The following PRKG1 variants were observed in gnomAD, a reference collection of about 807,000 sequenced individuals.
The protein encoded by PRKG1 is cGMP-dependent protein kinase 1.
Under a neutral mutation model 88.1 loss-of-function variants are expected in PRKG1, and 35 were observed. That is an observed-to-expected ratio of 0.40 (90% confidence interval 0.30 to 0.53). The LOEUF is 0.53. Among genes scored for constraint, PRKG1 ranks in the 20% least tolerant of loss-of-function variants. The pLI is 0.59. For missense variants in PRKG1, 540 were observed against 839.8 expected, an observed-to-expected ratio of 0.64 and a Z score of 4.41; for synonymous variants, 303 against 292.5, an observed-to-expected ratio of 1.04 and a Z score of -0.37.
intron 2 of PRKG1, among the ~76,000 whole-genome samples, chr10:51,312,541 A>T (rs1462769056): frequency 6.6e-6 from 1 of 152,162 alleles, no homozygotes; most frequent in Non-Finnish European, 1.5e-5. Context: ...ATGAGGTATA[A>T]CATTTCATGC....
chr10:52,101,011 T>C (rs1292419022), intron 7 of PRKG1, among the ~76,000 whole-genome samples: 2 of 152,228 alleles, frequency 1.3e-5, no homozygotes, highest in Non-Finnish European at 2.9e-5. Context: ...CCAAGGCAAT[T>C]TGATGGATAT....
rs1365768147 is a variant in PRKG1, at chr10:52,202,893, T to C, written c.1076+40930T>C. Among the ~76,000 whole-genome samples, 4 of 152,206 alleles carry C rather than the reference T, an allele frequency of 2.6e-5. No homozygotes were observed. In the East Asian group the frequency reaches 7.7e-4, roughly 29 times the overall value. ...TTGTCCCCTTTATCATTTCTGATTG[T>C]GTTTATTTGGATCTTCTCTCTCTTT... is the stretch of plus-strand genomic sequence containing the variant. On this transcript the variant is annotated intron_variant, in intron 9 of 17. Coordinates refer to ENST00000373980, the MANE Select transcript of PRKG1 (RefSeq NM_006258.4).
chr10:51,593,913 T>G (rs1838375070), intron 3 of PRKG1, among the ~76,000 whole-genome samples: 2 of 152,062 alleles, frequency 1.3e-5, no homozygotes, highest in Non-Finnish European at 2.9e-5. Context: ...TTAGTAGAGA[T>G]GGAGTTTCAC....
chr10:51,698,232 TCTC>T, intron 3 of PRKG1: 1 of 1,614,076 alleles, frequency 6.2e-7, no homozygotes, highest in Non-Finnish European at 8.5e-7. Context: ...ATCGCACAGG[TCTC>T]CATTCCTCTC....
At chr10:51,086,357 T>G (rs1485654661) in intron 1 of PRKG1, among the ~76,000 whole-genome samples, 2 of 152,198 alleles carry the variant, frequency 1.3e-5, no homozygotes, top group Non-Finnish European at 2.9e-5. Flanking sequence ...TTAATAAAAG[T>G]GTTTTCTTTC....
chr10:51,728,860 C>T (rs950126490), intron 3 of PRKG1, among the ~76,000 whole-genome samples: 1 of 152,184 alleles, frequency 6.6e-6, no homozygotes, highest in Non-Finnish European at 1.5e-5. Context: ...AAGATGGAAA[C>T]ATTTTCCAGA....
At chr10:51,125,111 A>G (rs1469863532) in intron 1 of PRKG1, among the ~76,000 whole-genome samples, 3 of 152,126 alleles carry the variant, frequency 2.0e-5, no homozygotes, top group Non-Finnish European at 4.4e-5. Flanking sequence ...TGAGCCCAGG[A>G]GTTCGAGAGC....
At chr10:51,942,550 T>C (rs934848553) in intron 5 of PRKG1, among the ~76,000 whole-genome samples, 2 of 149,346 alleles carry the variant, frequency 1.3e-5, no homozygotes, top group East Asian at 2.0e-4. Flanking sequence ...TGAATAGTAA[T>C]GCCTAGGTTT....
At chr10:51,475,918 G>A (rs1005857062) in intron 3 of PRKG1, among the ~76,000 whole-genome samples, 3 of 152,008 alleles carry the variant, frequency 2.0e-5, no homozygotes, top group African/African-American at 7.2e-5. Context: ...TTTGGATTAA[G>A]TGATAACAAA....
At chr10:52,140,173 A>C (rs1322293972) in intron 8 of PRKG1, among the ~76,000 whole-genome samples, 1 of 152,182 alleles carries the variant, frequency 6.6e-6, no homozygotes, top group Non-Finnish European at 1.5e-5. Context: ...TGTTGGCCAT[A>C]ATTTCTTGAC....
chr10:51,356,353 A>G (rs1232524061), intron 2 of PRKG1, among the ~76,000 whole-genome samples: 1 of 151,998 alleles, frequency 6.6e-6, no homozygotes. Context: ...AGAAAAATCT[A>G]TGAGGTCCAA....
chr10:51,880,823 G>A (rs553108991), intron 4 of PRKG1, among the ~76,000 whole-genome samples: 36 of 152,208 alleles, frequency 2.4e-4, no homozygotes, highest in African/African-American at 8.4e-4. Context: ...TCAACCTATC[G>A]GTTCATCAAT....
At chr10:51,061,430 C>T (rs1478212408) in intron 1 of PRKG1, among the ~76,000 whole-genome samples, 2 of 152,178 alleles carry the variant, frequency 1.3e-5, no homozygotes, top group Non-Finnish European at 2.9e-5. Context: ...TGGGTGGGAA[C>T]TCAGCCAAAC....
At chr10:51,640,910 T>C (rs1589153574) in intron 3 of PRKG1, among the ~76,000 whole-genome samples, 1 of 152,230 alleles carries the variant, frequency 6.6e-6, no homozygotes, top group Non-Finnish European at 1.5e-5. Flanking sequence ...AGTCTCTCTT[T>C]TGTATTTTTT....
At chr10:52,179,187 T>A (rs1280982670) in intron 9 of PRKG1, among the ~76,000 whole-genome samples, 1 of 152,134 alleles carries the variant, frequency 6.6e-6, no homozygotes, top group Admixed American at 6.6e-5. Flanking sequence ...CTGGTGACTT[T>A]TATAGTGTTG....
At chr10:51,147,861 A>C (rs771428960) in intron 1 of PRKG1, among the ~76,000 whole-genome samples, 2 of 152,206 alleles carry the variant, frequency 1.3e-5, no homozygotes, top group African/African-American at 2.4e-5. Flanking sequence ...AACCTTGTTG[A>C]AAACTGGTTT....
intron 2 of PRKG1, among the ~76,000 whole-genome samples, chr10:51,421,267 C>T (rs1030324113): frequency 6.6e-6 from 1 of 152,060 alleles, no homozygotes; most frequent in Non-Finnish European, 1.5e-5. Flanking sequence ...GAACTCCTGG[C>T]CTCAAGCAAT....
intron 1 of PRKG1, among the ~76,000 whole-genome samples, chr10:51,130,194 C>T (rs1845529686): frequency 6.6e-6 from 1 of 152,126 alleles, no homozygotes; most frequent in Admixed American, 6.5e-5. Flanking sequence ...TCTTAATAAA[C>T]CTCTTCTCTC....
intron 2 of PRKG1, among the ~76,000 whole-genome samples, chr10:51,289,292 C>T (rs1840521945): frequency 6.6e-6 from 1 of 152,058 alleles, no homozygotes; most frequent in African/African-American, 2.4e-5. Context: ...CTGTCTGTTA[C>T]CATGAATACT....
Sources: gnomAD v4.1 joint callset for allele counts (sites outside exome capture counted in the v4.1 genomes callset) on GRCh38, gnomAD v4.1.1 for gene constraint, MANE v1.5 for transcripts, NCBI Gene and HGNC (gene_info 2026-07-23, HGNC 2026-07-21) for gene names.